Variants in CDH12 observed in about 807,000 individuals in gnomAD.
CDH12 encodes cadherin 12, also known as cadherin-12.
In CDH12, 41 loss-of-function variants were observed where a neutral mutation model predicts 74.1. That is an observed-to-expected ratio of 0.55 (90% CI 0.43 to 0.72). The LOEUF (loss-of-function observed/expected upper bound fraction) is 0.72. Among genes scored for constraint, CDH12 ranks in the 30% least tolerant of loss-of-function variants. The pLI is 0.00. For synonymous variants in CDH12, 399 were observed against 355.0 expected, an observed-to-expected ratio of 1.12 and a Z score of -1.39; for missense variants, 945 against 977.2, an observed-to-expected ratio of 0.97 and a Z score of 0.44.
At chr5:22,163,092 T>C (rs2150320828) in intron 4 of CDH12, among the ~76,000 whole-genome samples, 1 of 152,060 alleles carries the variant, frequency 6.6e-6, no homozygotes, top group Non-Finnish European at 1.5e-5. Flanking sequence ...GAGACGGGGT[T>C]TCACCATCTC....
intron 1 of CDH12, among the ~76,000 whole-genome samples, chr5:22,590,629 A>G (rs983688048): frequency 1.3e-5 from 2 of 152,208 alleles, no homozygotes; most frequent in Non-Finnish European, 2.9e-5. Context: ...AATTCAAAAG[A>G]TCTAATATAC....
chr5:22,587,093 C>T (rs1291017316), intron 1 of CDH12, among the ~76,000 whole-genome samples: 3 of 152,056 alleles, frequency 2.0e-5, no homozygotes, highest in African/African-American at 7.2e-5. Context: ...GTCTTGGCCT[C>T]CCAAAGTGCT....
intron 8 of CDH12, among the ~76,000 whole-genome samples, chr5:21,838,284 G>A (rs1423806322): frequency 1.3e-5 from 2 of 152,194 alleles, no homozygotes; most frequent in East Asian, 3.9e-4. Flanking sequence ...TGCTGGCCAG[G>A]CATGGTGGCC....
At chr5:22,358,493 T>C (rs1205849134) in intron 3 of CDH12, among the ~76,000 whole-genome samples, 2 of 152,174 alleles carry the variant, frequency 1.3e-5, no homozygotes, top group South Asian at 2.1e-4. Flanking sequence ...ATGTTTTCAG[T>C]TCTGTTCTGT....
chr5:22,629,940 T>C (rs890598139), intron 1 of CDH12, among the ~76,000 whole-genome samples: 2 of 151,978 alleles, frequency 1.3e-5, no homozygotes, highest in African/African-American at 4.8e-5. Flanking sequence ...TATACAAAAA[T>C]TAGTAGGTTT....
chr5:22,428,445 A>ATGTG (rs536857435), intron 2 of CDH12, among the ~76,000 whole-genome samples: 11 of 150,430 alleles, frequency 7.3e-5, no homozygotes, highest in Admixed American at 2.7e-4. Context: ...ATATATATAT[A>ATGTG]TGTGTGTGTG....
At chr5:22,349,717 C>T (rs537971435) in intron 3 of CDH12, among the ~76,000 whole-genome samples, 8 of 152,300 alleles carry the variant, frequency 5.3e-5, no homozygotes, top group African/African-American at 1.7e-4. Flanking sequence ...GAATCCCTGT[C>T]TCACTATAGA....
intron 3 of CDH12, among the ~76,000 whole-genome samples, chr5:22,310,923 T>C (rs1357867199): frequency 6.6e-6 from 1 of 152,180 alleles, no homozygotes; most frequent in Non-Finnish European, 1.5e-5. Context: ...AAATGAAAAT[T>C]ATTTTCCTTG....
At chr5:22,840,804 C>T (rs1035377089) in intron 1 of CDH12, among the ~76,000 whole-genome samples, 1 of 152,050 alleles carries the variant, frequency 6.6e-6, no homozygotes, top group African/African-American at 2.4e-5. Flanking sequence ...GAGAGGATAG[C>T]CTTCATAGAG....
intron 5 of CDH12, among the ~76,000 whole-genome samples, chr5:22,061,926 T>C (rs1460863465): frequency 6.6e-6 from 1 of 152,138 alleles, no homozygotes; most frequent in Non-Finnish European, 1.5e-5. Context: ...AATCAAAGCT[T>C]ATCCTCACTT....
chr5:21,948,394 G>C (rs1375398197), intron 6 of CDH12, among the ~76,000 whole-genome samples: 4 of 152,224 alleles, frequency 2.6e-5, no homozygotes, highest in Non-Finnish European at 4.4e-5. Flanking sequence ...TTATTTTAAA[G>C]CTTTATGTTT....
intron 4 of CDH12, among the ~76,000 whole-genome samples, chr5:22,167,686 T>C (rs1379824732): frequency 6.6e-6 from 1 of 152,150 alleles, no homozygotes; most frequent in Non-Finnish European, 1.5e-5. Context: ...GTGCTATAAA[T>C]AGTTAATAAC....
intron 1 of CDH12, among the ~76,000 whole-genome samples, chr5:22,609,393 A>T (rs906619301): frequency 3.3e-5 from 5 of 152,086 alleles, no homozygotes; most frequent in African/African-American, 1.2e-4. Context: ...CACTTACAAC[A>T]CTCACTATAT....
chr5:21,851,213 T>G (rs1463100389), intron 7 of CDH12, among the ~76,000 whole-genome samples: 2 of 151,174 alleles, frequency 1.3e-5, no homozygotes, highest in Non-Finnish European at 3.0e-5. Flanking sequence ...CTCAGACTAG[T>G]TATTTAGAAT....
intron 3 of CDH12, among the ~76,000 whole-genome samples, chr5:22,315,124 T>TTTTTTC (rs1738573047): frequency 9.5e-6 from 1 of 105,002 alleles, no homozygotes; most frequent in African/African-American, 3.7e-5. Flanking sequence ...CCTGGCTTTT[T>TTTTTTC]TTTTTTTTTT....
At chr5:21,992,301 C>G (rs1036991528) in intron 5 of CDH12, among the ~76,000 whole-genome samples, 4 of 152,078 alleles carry the variant, frequency 2.6e-5, no homozygotes, top group African/African-American at 9.7e-5. Context: ...CTGCTTTTAG[C>G]AAGTATATAC....
At position 22,377,031 on chromosome 5, in the gene CDH12, G is replaced by A. The variant is rs138778038; in HGVS notation, c.-333+28226C>T. On this transcript the variant is annotated intron_variant, in intron 3 of 14. Coordinates refer to ENST00000382254, the MANE Select transcript of CDH12 (RefSeq NM_004061.5). ...GAGGCATCATGGGACCTTACTGAAG[G>A]CAACAAGCAGATCTCAAGGTACAAC... 5.5e-3 allele frequency among the ~76,000 whole-genome samples: 842 copies of A among 152,128 alleles called. 7 individuals are homozygous for A. The highest frequency in any genetic ancestry group is 6.8e-3 in the Middle Eastern group (2 of 294).
intron 6 of CDH12, among the ~76,000 whole-genome samples, chr5:21,860,874 T>C (rs1055069833): frequency 6.6e-6 from 1 of 152,076 alleles, no homozygotes; most frequent in Non-Finnish European, 1.5e-5. Context: ...ATCTTGCAGA[T>C]GGCTGATTGT....
At chr5:22,108,733 C>T (rs1025391178) in intron 4 of CDH12, among the ~76,000 whole-genome samples, 29 of 152,114 alleles carry the variant, frequency 1.9e-4, no homozygotes, top group African/African-American at 6.8e-4. Flanking sequence ...TGTGGAAATT[C>T]CATCCTGAGT....
Sources: allele counts gnomAD v4.1 joint callset (sites outside exome capture counted in the v4.1 genomes callset), GRCh38; gene constraint gnomAD v4.1.1; transcripts MANE v1.5; gene names NCBI Gene and HGNC (gene_info 2026-07-23, HGNC 2026-07-21).